The following KALRN variants were observed in gnomAD, a reference collection of about 807,000 sequenced individuals.
KALRN encodes the protein kalirin.
KALRN carries 70 observed loss-of-function variants against 353.7 expected under a neutral mutation model. That is an observed-to-expected ratio of 0.20 (90% CI 0.16 to 0.24). The LOEUF (loss-of-function observed/expected upper bound fraction) is 0.24, where lower values mean the gene tolerates loss of function less well. Ranked by LOEUF, KALRN falls within the 10% of genes least tolerant of loss-of-function variation. The pLI is 1.00. For synonymous variants in KALRN, 1,391 were observed against 1,434.8 expected (o/e 0.97, Z 0.69); for missense variants, 2,791 against 3,756.7 (o/e 0.74, Z 6.72).
intron 34 of KALRN, among the ~76,000 whole-genome samples, chr3:124,587,295 G>A (rs1487978573): frequency 6.6e-6 from 1 of 152,222 alleles, no homozygotes; most frequent in Non-Finnish European, 1.5e-5. Context: ...GTCTCCTGCG[G>A]CTTGAGTAGC....
intron 1 of KALRN, chr3:124,164,025 A>G: frequency 2.1e-6 from 2 of 966,020 alleles, no homozygotes; most frequent in Non-Finnish European, 2.5e-6. Flanking sequence ...TGCAGAACTC[A>G]CACACTTAAC....
intron 56 of KALRN, among the ~76,000 whole-genome samples, chr3:124,701,765 T>G (rs2062352716): frequency 6.6e-6 from 1 of 152,228 alleles, no homozygotes; most frequent in Admixed American, 6.5e-5. Context: ...AAATTTATCT[T>G]ATAAAATATC....
At chr3:124,318,429 A>G (rs556319639) in intron 6 of KALRN, among the ~76,000 whole-genome samples, 111 of 152,310 alleles carry the variant, frequency 7.3e-4, no homozygotes, top group Admixed American at 1.4e-3. Context: ...TTCTTATTCC[A>G]GATGTTACTA....
intron 34 of KALRN, among the ~76,000 whole-genome samples, chr3:124,572,023 G>A (rs923958467): frequency 1.3e-5 from 2 of 151,472 alleles, no homozygotes; most frequent in Admixed American, 1.3e-4. Context: ...CTCCATTTTT[G>A]TAGTAAAAAA....
chr3:124,172,646 T>C (rs1035839525), intron 1 of KALRN, among the ~76,000 whole-genome samples: 6 of 152,030 alleles, frequency 3.9e-5, no homozygotes, highest in African/African-American at 1.4e-4. Context: ...GAAGAAAATT[T>C]GCCAGGGGCG....
At chr3:124,151,278 A>G (rs752419048) in intron 1 of KALRN, among the ~76,000 whole-genome samples, 2 of 152,206 alleles carry the variant, frequency 1.3e-5, no homozygotes, top group Non-Finnish European at 2.9e-5. Flanking sequence ...CAAAGCAGTT[A>G]TAATGATTTA....
chr3:124,404,260 G>A (rs1206679697), intron 13 of KALRN, among the ~76,000 whole-genome samples: 1 of 151,754 alleles, frequency 6.6e-6, no homozygotes, highest in East Asian at 1.9e-4. Context: ...CTGAAAAATG[G>A]TGAGCTTGTA....
At chr3:124,147,353 G>T (rs2067496273) in intron 1 of KALRN, among the ~76,000 whole-genome samples, 1 of 152,132 alleles carries the variant, frequency 6.6e-6, no homozygotes, top group Admixed American at 6.5e-5. Context: ...AAGATACTCT[G>T]CCTCCTAGGG....
At chr3:124,666,372 G>A in intron 45 of KALRN, 77 bp from the exon 46 acceptor site, 1 of 1,344,204 alleles carries the variant, frequency 7.4e-7, no homozygotes. Context: ...CCCAGATGGG[G>A]AGGTTCTGTG....
chr3:124,052,943 A>G (rs1306099881), intron 1 of KALRN, among the ~76,000 whole-genome samples: 1 of 152,190 alleles, frequency 6.6e-6, no homozygotes, highest in Non-Finnish European at 1.5e-5. Flanking sequence ...TTGTATAAAC[A>G]TCATGGAGAA....
chr3:124,410,837 A>G (rs1242406414), intron 13 of KALRN, among the ~76,000 whole-genome samples: 2 of 152,132 alleles, frequency 1.3e-5, no homozygotes, highest in Admixed American at 1.3e-4. Flanking sequence ...ATATAATTCC[A>G]CCCCTAAGTA....
At chr3:124,652,508 T>C (rs2150121579) in intron 38 of KALRN, among the ~76,000 whole-genome samples, 1 of 152,294 alleles carries the variant, frequency 6.6e-6, no homozygotes, top group East Asian at 1.9e-4. Flanking sequence ...TAGTCCTTTG[T>C]CAAGTCAAAG....
chr3:124,125,535 G>C (rs544051526), intron 1 of KALRN, among the ~76,000 whole-genome samples: 1 of 152,318 alleles, frequency 6.6e-6, no homozygotes, highest in South Asian at 2.1e-4. Flanking sequence ...GATGTGGTGG[G>C]TGGAGGGCTC....
In KALRN at chr3:124,395,313, C is replaced by T. The variant is rs773114910; in HGVS notation, c.2141C>T (p.Pro714Leu). The T allele has an allele frequency of 2.5e-6, 4 of 1,613,366 alleles. No individual in the cohort carries two copies. Among genetic ancestry groups the T allele is most frequent in the Non-Finnish European group, 3.4e-6 (4 of 1,179,844 alleles). Residue 714 changes from proline (P) to leucine (L), a missense_variant, in exon 12 of 60, where the codon CCT becomes CTT. This residue lies in a region of KALRN where 452 missense variants were observed against 575.8 expected (regional missense o/e 0.78). Transcript: ENST00000682506. The part of the protein sequence containing the change: ...EDLIQQLRSA[P>L]PSLGEPSEAR... ...CTTATCCAGCAGCTCAGGTCAGCGC[C>T]TCCCTCCCTCGGGGAGCCCAGCGAG...
At chr3:124,126,978 G>A (rs1449911915) in intron 1 of KALRN, among the ~76,000 whole-genome samples, 1 of 152,202 alleles carries the variant, frequency 6.6e-6, no homozygotes, top group Non-Finnish European at 1.5e-5. Context: ...GAAAGAAGGT[G>A]CTGTTGTCTA....
intron 34 of KALRN, among the ~76,000 whole-genome samples, chr3:124,591,032 A>G (rs1184640859): frequency 6.6e-6 from 1 of 152,158 alleles, no homozygotes; most frequent in Non-Finnish European, 1.5e-5. Context: ...ATAGTACCCA[A>G]ACTCTAAATC....
intron 58 of KALRN, among the ~76,000 whole-genome samples, chr3:124,715,336 A>C (rs1200792802): frequency 6.6e-6 from 1 of 152,202 alleles, no homozygotes; most frequent in Non-Finnish European, 1.5e-5. Context: ...GGTCACCAGA[A>C]TTGCTGGGAG....
chr3:124,216,305 A>G (rs1358376992), intron 1 of KALRN, among the ~76,000 whole-genome samples: 2 of 152,206 alleles, frequency 1.3e-5, no homozygotes, highest in Non-Finnish European at 2.9e-5. Flanking sequence ...TGAGGGAGGC[A>G]GAGCCTAGAA....
chr3:124,358,040 A>ACT (rs1309410726), intron 10 of KALRN, among the ~76,000 whole-genome samples: 1 of 152,088 alleles, frequency 6.6e-6, no homozygotes, highest in Non-Finnish European at 1.5e-5. Flanking sequence ...ATAACTGAGT[A>ACT]CTCTCCTGAT....
Sources: gnomAD v4.1 joint callset for allele counts (sites outside exome capture counted in the v4.1 genomes callset) on GRCh38, gnomAD v4.1.1 for gene constraint, gnomAD v4.1.1 regional missense constraint, MANE v1.5 for transcripts, NCBI Gene and HGNC (gene_info 2026-07-23, HGNC 2026-07-21) for gene names.